SEMA3C: variants seen among roughly 807,000 people sequenced by gnomAD.
SEMA3C encodes the protein semaphorin 3C.
Under a neutral mutation model 89.4 loss-of-function variants are expected in SEMA3C, and 47 were observed. That is an observed-to-expected ratio of 0.53 (90% CI 0.42 to 0.67). The LOEUF is 0.67. Ranked by LOEUF, SEMA3C falls within the 30% of genes least tolerant of loss-of-function variation. The probability of loss-of-function intolerance (pLI) is 0.00; values close to 1 mark genes in which losing one functional copy is unlikely to be tolerated. For synonymous variants in SEMA3C, 310 were observed against 320.2 expected, an observed-to-expected ratio of 0.97 and a Z score of 0.34; for missense variants, 839 against 929.1, an observed-to-expected ratio of 0.90 and a Z score of 1.26.
intron 17 of SEMA3C, among the ~76,000 whole-genome samples, chr7:80,746,381 C>T (rs977318534): frequency 6.6e-6 from 1 of 151,938 alleles, no homozygotes; most frequent in African/African-American, 2.4e-5. Context: ...ATTAATTTTA[C>T]TAAGTTTAAA....
chr7:80,834,680 T>C (rs1790085685), intron 2 of SEMA3C, among the ~76,000 whole-genome samples: 1 of 151,980 alleles, frequency 6.6e-6, no homozygotes, highest in Admixed American at 6.6e-5. Flanking sequence ...AGGTAGAGAG[T>C]TTAGGGTTTT....
At chr7:80,913,510 T>C (rs1312276884) in intron 2 of SEMA3C, among the ~76,000 whole-genome samples, 1 of 152,228 alleles carries the variant, frequency 6.6e-6, no homozygotes, top group Non-Finnish European at 1.5e-5. Context: ...TTTAAACCAC[T>C]GTCATGCATA....
intron 2 of SEMA3C, among the ~76,000 whole-genome samples, chr7:80,844,244 G>A (rs1466974760): frequency 2.0e-5 from 3 of 152,122 alleles, no homozygotes; most frequent in Non-Finnish European, 4.4e-5. Flanking sequence ...ATTGGACAGT[G>A]CCAGTGTTAT....
intron 2 of SEMA3C, among the ~76,000 whole-genome samples, chr7:80,894,523 T>C (rs527279813): frequency 6.6e-6 from 1 of 152,168 alleles, no homozygotes; most frequent in Non-Finnish European, 1.5e-5. Flanking sequence ...AAAGAAGCTG[T>C]TTCCAAGGTA....
At chr7:80,882,925 T>C (rs1378172423) in intron 2 of SEMA3C, among the ~76,000 whole-genome samples, 1 of 151,150 alleles carries the variant, frequency 6.6e-6, no homozygotes, top group African/African-American at 2.5e-5. Context: ...AAAGTGACAT[T>C]TACCTAAACC....
intron 10 of SEMA3C, among the ~76,000 whole-genome samples, chr7:80,798,503 A>G (rs1789120593): frequency 6.6e-6 from 1 of 152,190 alleles, no homozygotes; most frequent in Non-Finnish European, 1.5e-5. Flanking sequence ...GACAACTCAA[A>G]AAAGTTTCTA....
intron 11 of SEMA3C, among the ~76,000 whole-genome samples, chr7:80,795,473 T>A (rs1052866142): frequency 4.6e-5 from 7 of 152,190 alleles, no homozygotes; most frequent in African/African-American, 1.2e-4. Context: ...TACTCCCTTT[T>A]TTCACGGAGT....
At chr7:80,886,544 G>A (rs760062875) in intron 2 of SEMA3C, among the ~76,000 whole-genome samples, 4 of 151,864 alleles carry the variant, frequency 2.6e-5, no homozygotes, top group Non-Finnish European at 4.4e-5. Flanking sequence ...AGTACAGATG[G>A]GGTTTCACCA....
rs537036803 is a variant in SEMA3C at position 80,744,571 on chromosome 7, G to A, written c.*323C>T. ...CAGGAAAGGAATACCACAGGGATAT[G>A]GCCCTCATTCAATTGAGGGATGCAA... On this transcript the variant is annotated 3_prime_UTR_variant, in exon 18 of 18. Transcript: ENST00000265361. 118 of 340,936 alleles carry A rather than the reference G, an allele frequency of 3.5e-4. No individual in the cohort carries two copies. The highest frequency in any genetic ancestry group is 5.1e-4 in the Non-Finnish European group (94 of 184,270). The allele number at this position is 340,936 out of a possible 1,614,324, so 21.1% of individuals were successfully genotyped here.
chr7:80,762,479 C>A (rs759264248), intron 13 of SEMA3C, among the ~76,000 whole-genome samples: 66 of 152,218 alleles, frequency 4.3e-4, no homozygotes, highest in Non-Finnish European at 8.4e-4. Flanking sequence ...GCAAATTATT[C>A]ATAACTTCAC....
chr7:80,831,775 T>TTGGAATGA (rs1331691871), intron 2 of SEMA3C, among the ~76,000 whole-genome samples: 1 of 152,000 alleles, frequency 6.6e-6, no homozygotes, highest in Non-Finnish European at 1.5e-5. Flanking sequence ...AACAAAGAAT[T>TTGGAATGA]TGGAATGATT....
chr7:80,894,238 A>G (rs1245241617), intron 2 of SEMA3C, among the ~76,000 whole-genome samples: 1 of 152,158 alleles, frequency 6.6e-6, no homozygotes, highest in Non-Finnish European at 1.5e-5. Flanking sequence ...ATTTAAATGT[A>G]GAGACCTCGA....
chr7:80,919,256 C>A (rs1340973510), upstream of SEMA3C: 1 of 984,962 alleles, frequency 1.0e-6, no homozygotes, highest in South Asian at 4.7e-5. Context: ...GCGGACCGGG[C>A]GGGGCCGACC....
At chr7:80,917,002 G>A (rs1169369211) in intron 1 of SEMA3C, among the ~76,000 whole-genome samples, 183 bp from the exon 2 acceptor site, 1 of 152,130 alleles carries the variant, frequency 6.6e-6, no homozygotes, top group African/African-American at 2.4e-5. Flanking sequence ...TGATTCATTT[G>A]TGTCTGGAAG....
In SEMA3C at chr7:80,773,349, G is replaced by A. The variant is rs542929504; in HGVS notation, c.1355-8106C>T. ...GATCTTCAGCAAAATGAATGATAAA[G>A]CCCAGAGTTGGCATAGAAACAAGGA... On this transcript the variant is annotated intron_variant, in intron 12 of 17. Coordinates refer to ENST00000265361, the MANE Select transcript of SEMA3C (RefSeq NM_006379.5). Among the ~76,000 whole-genome samples, 8 of 152,206 alleles carry A rather than the reference G, an allele frequency of 5.3e-5. No individual in the cohort carries two copies. In the South Asian group the frequency reaches 1.5e-3, roughly 28 times the overall value.
intron 14 of SEMA3C, among the ~76,000 whole-genome samples, chr7:80,760,163 G>T (rs1000083319): frequency 2.0e-5 from 3 of 152,162 alleles, no homozygotes; most frequent in Non-Finnish European, 2.9e-5. Context: ...TTGTACAAAT[G>T]ATTTCCAAAA....
At position 80,789,420 on chromosome 7, in the gene SEMA3C, T is replaced by C. The variant is rs571594397; in HGVS notation, c.1240A>G (p.Ile414Val). Residue 414 changes from isoleucine to valine, a missense_variant, in exon 12 of 18, where the codon ATC becomes GTC. Coordinates refer to ENST00000265361, the MANE Select transcript of SEMA3C (RefSeq NM_006379.5). ...HPLMYNSIYP[I>V]HKRPLIVRIG... Reference sequence around the variant, plus strand: ...CGAACAATCAAAGGCCTTTTGTGGATTGGGTAGATGGAATTGTACATGAGA... The same window carrying C: ...CGAACAATCAAAGGCCTTTTGTGGACTGGGTAGATGGAATTGTACATGAGA... 2.0e-4 allele frequency: 324 copies of C among 1,614,026 alleles called. 14 individuals carry two copies. In the South Asian group the frequency reaches 2.8e-3, roughly 14 times the overall value.
At chr7:80,879,517 T>G (rs1032258670) in intron 2 of SEMA3C, among the ~76,000 whole-genome samples, 1 of 152,136 alleles carries the variant, frequency 6.6e-6, no homozygotes, top group African/African-American at 2.4e-5. Context: ...GGAACACAGA[T>G]TCTAACATAC....
chr7:80,873,297 G>A (rs1268383353), intron 2 of SEMA3C, among the ~76,000 whole-genome samples: 2 of 152,216 alleles, frequency 1.3e-5, no homozygotes, highest in Non-Finnish European at 2.9e-5. Context: ...CAGGGCAAAC[G>A]TCATAAACTA....
Sources: allele counts gnomAD v4.1 joint callset (sites outside exome capture counted in the v4.1 genomes callset), GRCh38; gene constraint gnomAD v4.1.1; transcripts MANE v1.5; gene names NCBI Gene and HGNC (gene_info 2026-07-23, HGNC 2026-07-21).